The following FAM107B variants were observed in gnomAD, a reference collection of about 807,000 sequenced individuals.
FAM107B encodes the protein family with sequence similarity 107 member B, also known as protein FAM107B.
A neutral mutation model predicts 31.5 loss-of-function variants in FAM107B; 21 were observed. The observed-to-expected ratio is 0.67, with a 90% confidence interval of 0.47 to 0.96. FAM107B has a LOEUF of 0.96. Ranked by LOEUF, FAM107B falls within the 40% of genes least tolerant of loss-of-function variation. The pLI is 0.00. For synonymous variants in FAM107B, 157 were observed against 141.5 expected, an observed-to-expected ratio of 1.11 and a Z score of -0.78; for missense variants, 452 against 377.1, an observed-to-expected ratio of 1.20 and a Z score of -1.64.
chr10:14,754,555 G>A (rs778354779), intron 1 of FAM107B, among the ~76,000 whole-genome samples: 4 of 152,158 alleles, frequency 2.6e-5, no homozygotes, highest in Non-Finnish European at 5.9e-5. Flanking sequence ...AAAACCCTCA[G>A]AACTACTGGC....
intron 3 of FAM107B, among the ~76,000 whole-genome samples, chr10:14,525,130 T>C (rs1846084133): frequency 6.6e-6 from 1 of 152,230 alleles, no homozygotes; most frequent in African/African-American, 2.4e-5. Context: ...CATGTAAGTC[T>C]CTAAGTCTAA....
At chr10:14,721,481 A>G (rs1195637063) in intron 1 of FAM107B, among the ~76,000 whole-genome samples, 2 of 152,094 alleles carry the variant, frequency 1.3e-5, no homozygotes, top group East Asian at 1.9e-4. Context: ...AAGTGTTCCT[A>G]TTTCTCCACA....
intron 2 of FAM107B, among the ~76,000 whole-genome samples, chr10:14,618,657 C>A (rs1033963000): frequency 5.3e-5 from 8 of 151,810 alleles, no homozygotes; most frequent in Non-Finnish European, 1.0e-4. Flanking sequence ...GCCAACATAG[C>A]GAAATCCCGT....
At chr10:14,754,778 G>A (rs1017124445) in intron 1 of FAM107B, among the ~76,000 whole-genome samples, 2 of 152,204 alleles carry the variant, frequency 1.3e-5, no homozygotes, top group African/African-American at 2.4e-5. Flanking sequence ...AGATGCAGAT[G>A]CACCTTGATA....
intron 1 of FAM107B, among the ~76,000 whole-genome samples, chr10:14,674,153 G>GA (rs1854624138): frequency 6.6e-6 from 1 of 152,136 alleles, no homozygotes; most frequent in Non-Finnish European, 1.5e-5. Flanking sequence ...ACTAGGAGAA[G>GA]AAAACATAGG....
intron 2 of FAM107B, among the ~76,000 whole-genome samples, chr10:14,628,908 G>C (rs1004022904): frequency 6.6e-6 from 1 of 151,870 alleles, no homozygotes; most frequent in African/African-American, 2.4e-5. Context: ...ATGACTAATA[G>C]ATTTAGACTC....
At chr10:14,769,378 C>T (rs1833250421) in intron 1 of FAM107B, among the ~76,000 whole-genome samples, 2 of 149,448 alleles carry the variant, frequency 1.3e-5, no homozygotes, top group South Asian at 2.1e-4. Context: ...GTACAACTGA[C>T]ATTTTTGTTT....
chr10:14,610,329 C>A (rs1356826858), intron 2 of FAM107B, among the ~76,000 whole-genome samples: 1 of 151,500 alleles, frequency 6.6e-6, no homozygotes, highest in East Asian at 1.9e-4. Context: ...GGTGACAGAG[C>A]AAGACTCCAC....
intron 1 of FAM107B, among the ~76,000 whole-genome samples, chr10:14,761,971 G>A (rs781318566): frequency 2.0e-5 from 3 of 152,086 alleles, no homozygotes; most frequent in Non-Finnish European, 4.4e-5. Context: ...GGGGTAGTTA[G>A]GTCTATCCTT....
intron 1 of FAM107B, among the ~76,000 whole-genome samples, chr10:14,679,536 C>T (rs1025711148): frequency 3.3e-5 from 5 of 152,168 alleles, no homozygotes; most frequent in Non-Finnish European, 5.9e-5. Context: ...TGTGAGATAG[C>T]GGGACTATCA....
At chr10:14,620,017 CTTTTT>C (rs71388190) in intron 2 of FAM107B, among the ~76,000 whole-genome samples, 4 of 83,892 alleles carry the variant, frequency 4.8e-5, no homozygotes, top group Non-Finnish European at 7.2e-5. Flanking sequence ...TTCTTTCTTT[CTTTTT>C]TTTTTTTTTT....
At chr10:14,521,373 C>T in intron 4 of FAM107B, 67 bp from the exon 5 acceptor site, 1 of 1,309,830 alleles carries the variant, frequency 7.6e-7, no homozygotes, top group Non-Finnish European at 1.1e-6. Flanking sequence ...ACTCTTCTCT[C>T]TTTTCAAAGT....
intron 2 of FAM107B, chr10:14,602,728 C>G (rs976964367): frequency 3.9e-5 from 6 of 152,162 alleles, no homozygotes; most frequent in African/African-American, 1.4e-4. Context: ...CAAATGACTC[C>G]TGAATTCAAA....
chr10:14,629,928 A>C (rs1399943419), intron 2 of FAM107B, among the ~76,000 whole-genome samples: 2 of 152,204 alleles, frequency 1.3e-5, no homozygotes, highest in South Asian at 4.1e-4. Flanking sequence ...ATACTAAAAA[A>C]CCGTGTAAAT....
chr10:14,522,189 A>G, intron 3 of FAM107B, 170 bp from the exon 4 acceptor site: 1 of 805,374 alleles, frequency 1.2e-6, no homozygotes. Context: ...CACCAGCACG[A>G]AAGAAAGGCA....
chr10:14,710,283 C>T (rs555476774), intron 1 of FAM107B, among the ~76,000 whole-genome samples: 1 of 151,954 alleles, frequency 6.6e-6, no homozygotes, highest in Middle Eastern at 3.2e-3. Context: ...TCCATCTCTA[C>T]AAAAAATGAA....
At chr10:14,700,557 A>G (rs1436770676) in intron 1 of FAM107B, among the ~76,000 whole-genome samples, 1 of 151,948 alleles carries the variant, frequency 6.6e-6, no homozygotes, top group Non-Finnish European at 1.5e-5. Context: ...AGAAATGACC[A>G]TGAGAATGAG....
chr10:14,698,191 A>G (rs542365873), intron 1 of FAM107B, among the ~76,000 whole-genome samples: 17 of 152,328 alleles, frequency 1.1e-4, no homozygotes, highest in South Asian at 1.0e-3. Flanking sequence ...TAATTTTTAC[A>G]TGCATGAAAA....
At position 14,667,615 on chromosome 10, in the gene FAM107B, C is replaced by G. The variant is rs192711983; in HGVS notation, c.469+19G>C. On this transcript the variant is annotated intron_variant, in intron 2 of 4. Transcript: ENST00000181796. ...AGCAACAGCAGCCTGGAAAAGGAAT[C>G]ACACAGAATGTACTCTACCTGATGT... 1 of 1,612,890 alleles carries G rather than the reference C, an allele frequency of 6.2e-7. No homozygotes were observed. The highest frequency in any genetic ancestry group is 8.5e-7 in the Non-Finnish European group (1 of 1,179,570).
Sources: gnomAD v4.1 joint callset for allele counts (sites outside exome capture counted in the v4.1 genomes callset) on GRCh38, gnomAD v4.1.1 for gene constraint, MANE v1.5 for transcripts, NCBI Gene and HGNC (gene_info 2026-07-23, HGNC 2026-07-21) for gene names.